The following WFDC1 variants were observed in gnomAD, a reference collection of about 807,000 sequenced individuals.
WFDC1 encodes WAP four-disulfide core domain 1, also known as WAP four-disulfide core domain protein 1.
A neutral mutation model predicts 32.9 loss-of-function variants in WFDC1; 39 were observed. The ratio of observed to expected loss-of-function variants is 1.19; its 90% CI spans 0.92 to 1.55. The LOEUF (loss-of-function observed/expected upper bound fraction) is 1.55, where lower values mean the gene tolerates loss of function less well. Ranked by LOEUF, WFDC1 falls within the 40% of genes most tolerant of loss-of-function variation. The pLI is 0.00. For missense variants in WFDC1, 386 were observed against 309.5 expected (o/e 1.25, Z -1.85); for synonymous variants, 184 against 137.4 (o/e 1.34, Z -2.37).
intron 1 of WFDC1, among the ~76,000 whole-genome samples, chr16:84,310,265 C>G (rs1300712074): frequency 1.3e-5 from 2 of 151,810 alleles, no homozygotes; most frequent in Non-Finnish European, 2.9e-5. Flanking sequence ...GAAGCACATC[C>G]CAGCCTTGAG....
chr16:84,298,158 A>C (rs926831914), intron 1 of WFDC1, among the ~76,000 whole-genome samples: 5 of 152,020 alleles, frequency 3.3e-5, no homozygotes, highest in Non-Finnish European at 7.4e-5. Flanking sequence ...TTTAAGACAG[A>C]GTCCCGTGGT....
At chr16:84,313,708 A>G (rs1415658515) in intron 2 of WFDC1, among the ~76,000 whole-genome samples, 1 of 152,180 alleles carries the variant, frequency 6.6e-6, no homozygotes, top group Non-Finnish European at 1.5e-5. Context: ...GGTGGAGACC[A>G]GGAGCTTAGC....
At chr16:84,322,263 T>C (rs922312187) in intron 4 of WFDC1, among the ~76,000 whole-genome samples, 2 of 152,014 alleles carry the variant, frequency 1.3e-5, no homozygotes, top group East Asian at 3.9e-4. Flanking sequence ...CTAGCCTTGT[T>C]CTCAGGGGGC....
chr16:84,318,530 G>C, intron 3 of WFDC1, 175 bp downstream of exon 3: 1 of 621,734 alleles, frequency 1.6e-6, no homozygotes, highest in Non-Finnish European at 2.9e-6. Context: ...ATGGCTGGGG[G>C]CTTGGCCAGA....
chr16:84,303,256 G>A (rs1024356956), intron 1 of WFDC1, among the ~76,000 whole-genome samples: 8 of 152,014 alleles, frequency 5.3e-5, no homozygotes, highest in South Asian at 4.1e-4. Flanking sequence ...CCTCCACCAC[G>A]CAAACCAGTG....
rs759255944 is a variant in WFDC1, at chr16:84,326,909, C to G, written c.632C>G (p.Pro211Arg). ...GGTGACTCAAAGAATGTGGCAGAAC[C>G]TGGAAGGGGACAACAGAAGCACTTT... The part of the protein sequence containing the change: ...PEGDSKNVAE[P>R]GRGQQKHFQ Residue 211 changes from proline to arginine, a missense_variant, in exon 6 of 7, where the codon CCT (proline) becomes CGT (arginine). Transcript: ENST00000219454. 10 of 1,614,056 alleles carry G rather than the reference C, an allele frequency of 6.2e-6. No homozygotes were observed. Among genetic ancestry groups the G allele is most frequent in the East Asian group, 2.2e-5 (1 of 44,842 alleles).
intron 1 of WFDC1, among the ~76,000 whole-genome samples, chr16:84,302,007 G>A (rs1322668369): frequency 2.0e-5 from 3 of 152,176 alleles, no homozygotes; most frequent in African/African-American, 7.2e-5. Flanking sequence ...TGAGCACATC[G>A]CACCTGTCCA....
At chr16:84,306,275 C>G (rs1387995378) in intron 1 of WFDC1, among the ~76,000 whole-genome samples, 1 of 152,166 alleles carries the variant, frequency 6.6e-6, no homozygotes, top group Non-Finnish European at 1.5e-5. Context: ...CCCTTAATCC[C>G]TGTGCAAAGC....
intron 1 of WFDC1, among the ~76,000 whole-genome samples, chr16:84,304,279 G>T (rs1229517253): frequency 6.6e-6 from 1 of 152,178 alleles, no homozygotes; most frequent in Non-Finnish European, 1.5e-5. Context: ...ACCCAGGCTG[G>T]ATTGCAGTGG....
At chr16:84,317,984 G>C (rs1419707542) in intron 2 of WFDC1, 2 of 339,752 alleles carry the variant, frequency 5.9e-6, no homozygotes, top group Non-Finnish European at 1.1e-5. Flanking sequence ...GGAGCAGAGA[G>C]CCCCGATTGG....
chr16:84,318,429 G>A, intron 3 of WFDC1, 74 bp downstream of exon 3: 1 of 1,464,528 alleles, frequency 6.8e-7, no homozygotes, highest in South Asian at 1.2e-5. Context: ...CAGAAAGCTG[G>A]CAGCACCAGG....
chr16:84,320,649 G>A (rs528747642), intron 4 of WFDC1, among the ~76,000 whole-genome samples: 22 of 152,358 alleles, frequency 1.4e-4, no homozygotes, highest in African/African-American at 3.8e-4. Context: ...TGGATGAACT[G>A]TGTGGTGAGC....
At chr16:84,305,129 G>A (rs1907174667) in intron 1 of WFDC1, among the ~76,000 whole-genome samples, 1 of 152,228 alleles carries the variant, frequency 6.6e-6, no homozygotes, top group Non-Finnish European at 1.5e-5. Flanking sequence ...AGCAGCCCCA[G>A]AGGGTGATAC....
chr16:84,315,517 C>G (rs1907896851), intron 2 of WFDC1, among the ~76,000 whole-genome samples: 1 of 152,200 alleles, frequency 6.6e-6, no homozygotes, highest in African/African-American at 2.4e-5. Flanking sequence ...GAAGAGCAAT[C>G]ATACTACTAG....
chr16:84,311,027 C>G (rs1470810595), intron 1 of WFDC1, among the ~76,000 whole-genome samples: 1 of 152,126 alleles, frequency 6.6e-6, no homozygotes, highest in African/African-American at 2.4e-5. Context: ...ATTAATCTAT[C>G]CTGTATCTAA....
In WFDC1 at chr16:84,318,277, G is replaced by T; in HGVS notation, c.343G>T (p.Asp115Tyr). The change falls in exon 3 of 7, where the codon GAC becomes TAC. Residue 115 changes from aspartate to tyrosine, a missense_variant. Coordinates refer to ENST00000219454, the MANE Select transcript of WFDC1 (RefSeq NM_021197.4). The stretch of plus-strand genomic sequence containing the variant: ...CTGACCCCGTATTGTGTTAGTCTTA[G>T]ACTGGCTGGTGCAGCCGAAACCTCG... The part of the protein sequence containing the change: ...LEAVPPPPVL[D>Y]WLVQPKPRWL... The T allele has an allele frequency of 6.2e-7, 1 of 1,614,136 alleles. No homozygotes were observed. Among genetic ancestry groups the T allele is most frequent in the South Asian group, 1.1e-5 (1 of 91,076 alleles).
rs1907732169 is a variant in WFDC1 at position 84,313,026 on chromosome 16, G to A, written c.210G>A (p.Pro70=). 5 of 1,328,478 alleles carry A rather than the reference G, an allele frequency of 3.8e-6. No individual in the cohort carries two copies. The highest frequency in any genetic ancestry group is 4.8e-6 in the Non-Finnish European group (5 of 1,041,448). 82.3% of individuals were successfully genotyped at this position (1,328,478 alleles called of 1,614,324 possible). ...QPRADRCPPP[P]RTLPPGACQA... is the part of the protein sequence containing the mutation. The stretch of plus-strand genomic sequence containing the variant: ...GAGCAGACCGCTGCCCGCCGCCTCC[G>A]CGGACGCTGCCCCCCGGCGCCTGCC... The change falls in exon 2 of 7, where the codon CCG becomes CCA. Residue 70 remains proline, a synonymous_variant. Transcript: ENST00000219454.
chr16:84,318,516 G>A lies in WFDC1; in HGVS notation c.421+161G>A, dbSNP rs1908098433. 4 of 651,954 alleles carry A rather than the reference G, an allele frequency of 6.1e-6. No individual in the cohort carries two copies. In the South Asian group the frequency reaches 7.0e-5, roughly 11 times the overall value. The allele number at this position is 651,954 out of a possible 1,614,324, so 40.4% of individuals were successfully genotyped here. On this transcript the variant is annotated intron_variant, in intron 3 of 6. Transcript: ENST00000219454. Reference sequence around the variant, plus strand: ...ATCCTCCCCACCCCAGCGAAGAAGGGCTGATGGCTGGGGGCTTGGCCAGAA... The same window carrying A: ...ATCCTCCCCACCCCAGCGAAGAAGGACTGATGGCTGGGGGCTTGGCCAGAA...
Position 84,319,583 on chromosome 16 carries a change from A to AC in WFDC1, c.562+16dup, listed in dbSNP as rs1245612028. On this transcript the variant is annotated intron_variant, in intron 4 of 6. Transcript: ENST00000219454. ...GCGCCGGCAAGCAGGTGAGTGTGGC[A>AC]CCCCAGCCCTGATCCTGGCTCCTGC... 3 of 1,609,936 alleles carry AC rather than the reference A, an allele frequency of 1.9e-6. No individual in the cohort carries two copies. The African/African-American group carries it at 4.0e-5, about 22-fold the overall frequency.
Sources: gnomAD v4.1 joint callset for allele counts (sites outside exome capture counted in the v4.1 genomes callset) on GRCh38, gnomAD v4.1.1 for gene constraint, MANE v1.5 for transcripts, NCBI Gene and HGNC (gene_info 2026-07-23, HGNC 2026-07-21) for gene names.